Variants in UVRAG observed in about 807,000 individuals in gnomAD.
UVRAG encodes UV radiation resistance associated.
UVRAG carries 19 observed loss-of-function variants against 78.0 expected under a neutral mutation model. That is an observed-to-expected ratio of 0.24 (90% confidence interval 0.17 to 0.36). The LOEUF is 0.36. Ranked by LOEUF, UVRAG falls within the 10% of genes least tolerant of loss-of-function variation. The pLI, the probability that UVRAG is intolerant of heterozygous loss-of-function variation, is 1.00. For missense variants in UVRAG, 740 were observed against 853.8 expected (o/e 0.87, Z 1.66); for synonymous variants, 323 against 324.6 (o/e 1.00, Z 0.05).
chr11:76,031,311 A>G (rs142915322), intron 12 of UVRAG, among the ~76,000 whole-genome samples: 1 of 152,338 alleles, frequency 6.6e-6, no homozygotes, highest in East Asian at 1.9e-4. Flanking sequence ...GGCAGTAAAG[A>G]TCAACAAAAT....
chr11:75,932,770 ATAAAGT>A (rs1371440381), intron 6 of UVRAG, among the ~76,000 whole-genome samples: 3 of 152,254 alleles, frequency 2.0e-5, no homozygotes, highest in Non-Finnish European at 4.4e-5. Context: ...ATAGCTACAA[ATAAAGT>A]TAAATATCTA....
At chr11:76,064,737 G>A (rs1027855079) in intron 12 of UVRAG, among the ~76,000 whole-genome samples, 1 of 151,762 alleles carries the variant, frequency 6.6e-6, no homozygotes, top group African/African-American at 2.4e-5. Context: ...TATCCTCTAG[G>A]CTTTATGGAA....
chr11:76,060,789 G>C (rs928278762), intron 12 of UVRAG, among the ~76,000 whole-genome samples: 1 of 152,230 alleles, frequency 6.6e-6, no homozygotes, highest in South Asian at 2.1e-4. Context: ...CCAGGCCTCA[G>C]CTGCCTCCCC....
At chr11:76,061,775 C>T (rs1215184377) in intron 12 of UVRAG, among the ~76,000 whole-genome samples, 2 of 152,208 alleles carry the variant, frequency 1.3e-5, no homozygotes, top group Non-Finnish European at 2.9e-5. Context: ...GGGTCCGCAG[C>T]TTCATTCTTG....
At chr11:76,055,778 C>T (rs777661829) in intron 12 of UVRAG, among the ~76,000 whole-genome samples, 18 of 152,012 alleles carry the variant, frequency 1.2e-4, no homozygotes, top group Non-Finnish European at 2.4e-4. Context: ...GGCAGGATCT[C>T]GGCTCACTGC....
At chr11:75,974,836 A>C (rs1454355542) in intron 7 of UVRAG, among the ~76,000 whole-genome samples, 1 of 151,996 alleles carries the variant, frequency 6.6e-6, no homozygotes, top group African/African-American at 2.4e-5. Context: ...TTGCCTGTTC[A>C]CTCTGATGGT....
chr11:76,017,767 A>C (rs1950176149), intron 12 of UVRAG, among the ~76,000 whole-genome samples: 1 of 152,192 alleles, frequency 6.6e-6, no homozygotes, highest in African/African-American at 2.4e-5. Context: ...AGAACTGTCC[A>C]CTTAGAATTC....
intron 1 of UVRAG, among the ~76,000 whole-genome samples, chr11:75,836,797 AT>A (rs1389777700): frequency 3.3e-5 from 5 of 152,354 alleles, no homozygotes; most frequent in South Asian, 2.1e-4. Context: ...CAGAATTTGT[AT>A]TTGAAACCCA....
intron 3 of UVRAG, among the ~76,000 whole-genome samples, chr11:75,877,436 G>A (rs1331183333): frequency 2.0e-5 from 3 of 151,344 alleles, no homozygotes; most frequent in African/African-American, 4.9e-5. Flanking sequence ...CCGGGCAGAG[G>A]TGCCCCTCAC....
intron 3 of UVRAG, among the ~76,000 whole-genome samples, chr11:75,862,095 T>G (rs1257800168): frequency 6.6e-6 from 1 of 151,820 alleles, no homozygotes; most frequent in Non-Finnish European, 1.5e-5. Flanking sequence ...AATAATAAAA[T>G]AAAAAAAGAA....
At chr11:75,914,082 G>C (rs1290933919) in intron 6 of UVRAG, 1 of 152,210 alleles carries the variant, frequency 6.6e-6, no homozygotes, top group African/African-American at 2.4e-5. Flanking sequence ...TGAACCCAGG[G>C]AGTTGTTCTG....
chr11:75,817,171 T>A (rs1056246774), intron 1 of UVRAG, among the ~76,000 whole-genome samples: 2 of 151,548 alleles, frequency 1.3e-5, no homozygotes, highest in African/African-American at 4.9e-5. Context: ...GGAGGTAGAG[T>A]GTGAGAGTGG....
chr11:75,841,310 G>T (rs1945902098), intron 1 of UVRAG, among the ~76,000 whole-genome samples: 1 of 152,116 alleles, frequency 6.6e-6, no homozygotes, highest in South Asian at 2.1e-4. Flanking sequence ...TGACTAACTG[G>T]CTGGTTTTTG....
chr11:75,920,086 T>C (rs113909619), intron 6 of UVRAG, among the ~76,000 whole-genome samples: 19,032 of 131,884 alleles, frequency 0.14, 2,814 homozygotes, highest in African/African-American at 0.38. Context: ...AGTGCAATGG[T>C]GTGATTTTGG....
intron 13 of UVRAG, 30 bp downstream of exon 13, chr11:76,065,818 C>T (rs1266940909): frequency 6.2e-7 from 1 of 1,600,742 alleles, no homozygotes; most frequent in Admixed American, 1.7e-5. Context: ...TTCTCTCCTA[C>T]TTCCCATGCA....
At chr11:76,004,998 A>G (rs778466513) in intron 9 of UVRAG, among the ~76,000 whole-genome samples, 2 of 151,982 alleles carry the variant, frequency 1.3e-5, no homozygotes, top group Non-Finnish European at 2.9e-5. Context: ...TTCCTGGAAA[A>G]TCCATCCATC....
intron 6 of UVRAG, among the ~76,000 whole-genome samples, chr11:75,952,583 A>G (rs1258965477): frequency 1.3e-5 from 2 of 152,040 alleles, no homozygotes; most frequent in East Asian, 3.8e-4. Context: ...AACCTTGTAT[A>G]GTATTTGAAA....
intron 1 of UVRAG, among the ~76,000 whole-genome samples, chr11:75,835,058 G>T (rs1024802384): frequency 2.0e-5 from 3 of 152,284 alleles, no homozygotes; most frequent in African/African-American, 7.2e-5. Flanking sequence ...TGCCCCAGGG[G>T]AAAGGAAATG....
chr11:75,969,254 T>G (rs185282910), intron 7 of UVRAG, among the ~76,000 whole-genome samples: 9 of 152,360 alleles, frequency 5.9e-5, no homozygotes, highest in African/African-American at 1.9e-4. Flanking sequence ...TACCTTTTTA[T>G]GGCTGGCTGT....
Sources: gnomAD v4.1 joint callset for allele counts (sites outside exome capture counted in the v4.1 genomes callset) on GRCh38, gnomAD v4.1.1 for gene constraint, MANE v1.5 for transcripts, NCBI Gene and HGNC (gene_info 2026-07-23, HGNC 2026-07-21) for gene names.